PLEKHG5: variants seen among roughly 807,000 people sequenced by gnomAD.
PLEKHG5 encodes pleckstrin homology and RhoGEF domain containing G5.
PLEKHG5 carries 52 observed loss-of-function variants against 103.8 expected under a neutral mutation model. The observed-to-expected ratio is 0.50, with a 90% confidence interval of 0.40 to 0.63. The LOEUF (loss-of-function observed/expected upper bound fraction) is 0.63, where lower values mean the gene tolerates loss of function less well. Ranked by LOEUF, PLEKHG5 falls within the 30% of genes least tolerant of loss-of-function variation. The pLI, the probability that PLEKHG5 is intolerant of heterozygous loss-of-function variation, is 0.00. For synonymous variants in PLEKHG5, 592 were observed against 575.5 expected (o/e 1.03, Z -0.41); for missense variants, 1,205 against 1,347.6 (o/e 0.89, Z 1.66).
In PLEKHG5 at chr1:6,467,188, G is replaced by A; in HGVS notation, c.*375C>T. On this transcript the variant is annotated 3_prime_UTR_variant, in exon 21 of 21. Transcript: ENST00000377728. ...TAAATACGTAACTTCACAGAACCCA[G>A]CCCAAGCCAGGGGTGGCCTGTGGGA... The A allele has an allele frequency of 2.2e-6, 1 of 451,248 alleles. No homozygotes were observed. The highest frequency in any genetic ancestry group is 4.1e-6 in the Non-Finnish European group (1 of 242,796). 28.0% of individuals were successfully genotyped at this position (451,248 alleles called of 1,614,324 possible).
Position 6,490,742 on chromosome 1 carries a change from C to A in PLEKHG5, c.-88+895G>T. The A allele has an allele frequency of 3.5e-6, 1 of 287,620 alleles. No individual in the cohort carries two copies. The highest frequency in any genetic ancestry group is 5.2e-6 in the Non-Finnish European group (1 of 192,404). 17.8% of individuals were successfully genotyped at this position (287,620 alleles called of 1,614,324 possible). ...GAGGTGGCTGGAGGCCGGGCGGTGG[C>A]TTGGGGTAATCCAGGATCCGGGCTC... On this transcript the variant is annotated intron_variant, in intron 1 of 20. Coordinates refer to ENST00000377728, the MANE Select transcript of PLEKHG5 (RefSeq NM_020631.6). This position sits in a 1 kb window ranked among gnomAD's most constrained non-coding sequence, Gnocchi z 8.0.
chr1:6,490,579 C>A lies in PLEKHG5; in HGVS notation c.-88+1058G>T. On this transcript the variant is annotated intron_variant, in intron 1 of 20. Transcript: ENST00000377728. This position sits in a 1 kb window ranked among gnomAD's most constrained non-coding sequence, Gnocchi z 8.0. Reference sequence around the variant, plus strand: ...ACGGGCTCAGTCGACTCAGCGCAAACTGGGGCGCGGGACGTAGGGGAATTA... The same window carrying A: ...ACGGGCTCAGTCGACTCAGCGCAAAATGGGGCGCGGGACGTAGGGGAATTA... 1.0e-6 allele frequency: 1 copy of A among 985,422 alleles called. No homozygotes were observed. Among genetic ancestry groups the A allele is most frequent in the Non-Finnish European group, 1.2e-6 (1 of 829,956 alleles). The allele number at this position is 985,422 out of a possible 1,614,324, so 61.0% of individuals were successfully genotyped here. A position where few individuals can be genotyped will look rare whatever the true frequency, so the allele number is the denominator to read the frequency against.
chr1:6,514,186 T>G (rs538104587), intron 1 of PLEKHG5, among the ~76,000 whole-genome samples: 2 of 152,222 alleles, frequency 1.3e-5, no homozygotes, highest in African/African-American at 4.8e-5. Context: ...TAGCCAGGCA[T>G]GGTGGCACTC....
rs537982528 is a variant in PLEKHG5, at chr1:6,509,335, C to T, written c.-165+10110G>A. ...GAGGGACAGGGGCTAAAGACAAGGGCCCGCTTCATCCCGTTCCTGGCAATG... is the reference window on the plus strand; with the variant it reads ...GAGGGACAGGGGCTAAAGACAAGGGTCCGCTTCATCCCGTTCCTGGCAATG... On this transcript the variant is annotated intron_variant, in intron 1 of 21. Coordinates refer to the PLEKHG5 transcript ENST00000377740. Among the ~76,000 whole-genome samples, 3 of 152,360 alleles carry T rather than the reference C, an allele frequency of 2.0e-5. No individual in the cohort carries two copies. In the South Asian group the frequency reaches 6.2e-4, roughly 32 times the overall value.
chr1:6,471,159 C>T (rs1557741435), intron 12 of PLEKHG5, 59 bp from the exon 13 acceptor site: 2 of 1,375,114 alleles, frequency 1.5e-6, no homozygotes, highest in Non-Finnish European at 1.0e-6. Flanking sequence ...CGGGCCGGCC[C>T]GCGCCAGGCG....
chr1:6,513,021 C>T (rs1238055895), intron 1 of PLEKHG5, among the ~76,000 whole-genome samples: 4 of 152,230 alleles, frequency 2.6e-5, no homozygotes, highest in African/African-American at 9.6e-5. Flanking sequence ...AGCCTGCCCC[C>T]GGCATGGCCA....
At chr1:6,497,587 A>G (rs887257740), upstream of PLEKHG5, among the ~76,000 whole-genome samples, 4 of 151,304 alleles carry the variant, frequency 2.6e-5, no homozygotes, top group South Asian at 2.1e-4. The surrounding 1 kb of genome is among the most constrained non-coding windows in gnomAD (Gnocchi z 6.1). Context: ...GGCTGCCTCC[A>G]CCTCCCGGAG....
intron 1 of PLEKHG5, among the ~76,000 whole-genome samples, chr1:6,509,852 C>G (rs1030389622): frequency 6.6e-6 from 1 of 152,196 alleles, no homozygotes; most frequent in Admixed American, 6.5e-5. Context: ...TAGCAGGGAG[C>G]CTGGCGCAGG....
intron 7 of PLEKHG5, 87 bp downstream of exon 7, chr1:6,473,926 C>T (rs764112658): frequency 2.3e-6 from 3 of 1,320,220 alleles, no homozygotes; most frequent in Non-Finnish European, 3.2e-6. Context: ...CAGTGAGAGA[C>T]CCAGGGTGAC....
rs1478015775 is a variant in PLEKHG5 at position 6,470,850 on chromosome 1, T to G, written c.1427A>C (p.Lys476Thr). The part of the protein sequence containing the change: ...AEKHPQCQRL[K>T]LSDMLAKPHQ... ...GGGTTTGGCCAGCATGTCGCTCAGC[T>G]TCAGCCTCTGGCACTGTGGGTGCTT... Residue 476 changes from lysine (K) to threonine (T), a missense_variant, in exon 14 of 21, where the codon AAG (lysine) becomes ACG (threonine). Transcript: ENST00000377728. 6.3e-7 allele frequency: 1 copy of G among 1,577,166 alleles called. No homozygotes were observed. Among genetic ancestry groups the G allele is most frequent in the Non-Finnish European group, 8.6e-7 (1 of 1,161,412 alleles).
chr1:6,496,958 C>G (rs1362459916), upstream of PLEKHG5: 3 of 1,527,952 alleles, frequency 2.0e-6, no homozygotes, highest in Non-Finnish European at 2.6e-6. Context: ...GAGAACCTTA[C>G]GCCCTGCATC....
chr1:6,473,505 C>T lies in PLEKHG5; in HGVS notation c.592-51G>A, dbSNP rs74049585. ...CGGGACCCCCTGCCAGCCCCCATGG[C>T]CCCACCCCAGGGCGGGTTTCCAGGG... On this transcript the variant is annotated intron_variant, in intron 7 of 20. Coordinates refer to ENST00000377728, the MANE Select transcript of PLEKHG5 (RefSeq NM_020631.6). The T allele has an allele frequency of 4.7e-3, 6,718 of 1,431,724 alleles. 283 individuals are homozygous for T. The African/African-American group carries it at 0.087, about 19-fold the overall frequency. The allele number at this position is 1,431,724 out of a possible 1,614,324, so 88.7% of individuals were successfully genotyped here.
At chr1:6,494,928 G>C (rs1382375252), upstream of PLEKHG5, among the ~76,000 whole-genome samples, 1 of 152,216 alleles carries the variant, frequency 6.6e-6, no homozygotes, top group Non-Finnish European at 1.5e-5. Context: ...CTGGAGGTGA[G>C]GTCTGGAGGC....
Position 6,467,785 on chromosome 1 carries a change from G to T in PLEKHG5, c.3011+40C>A, listed in dbSNP as rs754438777. 1.2e-5 allele frequency: 20 copies of T among 1,607,656 alleles called. No individual in the cohort carries two copies. In the South Asian group the frequency reaches 2.2e-4, roughly 18 times the overall value. ...GGCATGAGTGGGCCCCCATGCCAGT[G>T]CCCTGAGCCACCTGCCCTACCCCAG... On this transcript the variant is annotated intron_variant, in intron 20 of 20. Transcript: ENST00000377728.
intron 1 of PLEKHG5, among the ~76,000 whole-genome samples, chr1:6,489,715 T>C (rs551528598): frequency 5.1e-4 from 77 of 152,172 alleles, no homozygotes; most frequent in Non-Finnish European, 7.4e-4. Flanking sequence ...AGACCTGGTC[T>C]GGAGCCTACG....
chr1:6,485,646 C>T (rs1645016299), intron 1 of PLEKHG5, among the ~76,000 whole-genome samples: 1 of 150,030 alleles, frequency 6.7e-6, no homozygotes, highest in Admixed American at 6.6e-5. Context: ...GGATCCCCGC[C>T]TCCCCGCCCG....
At position 6,491,091 on chromosome 1, in the gene PLEKHG5, CTCT is replaced by C. The variant is rs572605175; in HGVS notation, c.-88+543_-88+545del. 5.1e-4 allele frequency among the ~76,000 whole-genome samples: 78 copies of C among 152,010 alleles called. No individual in the cohort carries two copies. The highest frequency in any genetic ancestry group is 1.7e-3 in the African/African-American group (71 of 41,458). On this transcript the variant is annotated intron_variant, in intron 1 of 20. Transcript: ENST00000377728. The surrounding 1 kb of genome is among the most constrained non-coding windows in gnomAD (Gnocchi z 4.1). ...AACAGCCCGCTTTTCTCTGGGCCCC[CTCT>C]TTTTTTTTTTTCTGGCCCAGGTGAT... is the stretch of plus-strand genomic sequence containing the variant.
At chr1:6,496,769 G>C (rs145275535), upstream of PLEKHG5, 2,309 of 551,304 alleles carry the variant, frequency 4.2e-3, 41 homozygotes, top group African/African-American at 0.041. Context: ...CAGTCCTCAG[G>C]GAAATTATCC....
At chr1:6,473,848 G>C (rs1431357422) in intron 7 of PLEKHG5, among the ~76,000 whole-genome samples, 165 bp downstream of exon 7, 2 of 152,164 alleles carry the variant, frequency 1.3e-5, no homozygotes, top group African/African-American at 2.4e-5. Flanking sequence ...GATCCAGAGA[G>C]AGAGGGTCCC....
Sources: gnomAD v4.1 joint callset for allele counts (sites outside exome capture counted in the v4.1 genomes callset) on GRCh38, gnomAD v4.1.1 for gene constraint, Gnocchi (gnomAD v3.1) non-coding constraint, MANE v1.5 for transcripts, NCBI Gene and HGNC (gene_info 2026-07-23, HGNC 2026-07-21) for gene names.